The following PTK2 variants were observed in gnomAD, a reference collection of about 807,000 sequenced individuals.
PTK2 encodes focal adhesion kinase 1.
In PTK2, 45 loss-of-function variants were observed where a neutral mutation model predicts 150.1. That is an observed-to-expected ratio of 0.30 (90% CI 0.24 to 0.38). The LOEUF (loss-of-function observed/expected upper bound fraction) is 0.38. PTK2 is among the 10% of genes least tolerant of loss of function. The pLI is 1.00. For synonymous variants in PTK2, 432 were observed against 449.2 expected (o/e 0.96, Z 0.48); for missense variants, 919 against 1,307.3 (o/e 0.70, Z 4.58).
intron 8 of PTK2, among the ~76,000 whole-genome samples, chr8:140,828,972 C>A (rs984783655): frequency 5.9e-5 from 9 of 152,216 alleles, no homozygotes; most frequent in Admixed American, 5.9e-4. Flanking sequence ...TGCCAATGGT[C>A]TGTGGGCTAC....
chr8:140,911,512 T>C (rs1046513341), intron 2 of PTK2, among the ~76,000 whole-genome samples: 5 of 152,172 alleles, frequency 3.3e-5, no homozygotes, highest in African/African-American at 4.8e-5. Context: ...GGGAGACACA[T>C]TGATAGTCTG....
In PTK2 at chr8:140,999,375, C is replaced by T. The variant is rs56728131; in HGVS notation, c.-122+1750G>A. ...GACCTGAAATTCTTTAAAGGAAAACCTTGTAATATTGATCTTGTTGTTTCT... is the reference window on the plus strand; with the variant it reads ...GACCTGAAATTCTTTAAAGGAAAACTTTGTAATATTGATCTTGTTGTTTCT... On this transcript the variant is annotated intron_variant, in intron 1 of 31. Coordinates refer to ENST00000522684, the Ensembl canonical transcript of PTK2. 4.2e-3 allele frequency among the ~76,000 whole-genome samples: 634 copies of T among 152,272 alleles called. 9 individuals carry two copies. Among genetic ancestry groups the T allele is most frequent in the African/African-American group, 0.014 (594 of 41,562 alleles).
At chr8:140,850,051 T>G (rs1253765000) in intron 5 of PTK2, among the ~76,000 whole-genome samples, 1 of 152,156 alleles carries the variant, frequency 6.6e-6, no homozygotes, top group African/African-American at 2.4e-5. Flanking sequence ...TACTCTCTTT[T>G]TCTATTGTGG....
intron 8 of PTK2, chr8:140,821,357 C>T (rs1394671375): frequency 6.6e-6 from 1 of 152,178 alleles, no homozygotes; most frequent in African/African-American, 2.4e-5. Context: ...TGGCATGGAC[C>T]CCAAGGTAGT....
chr8:140,899,996 A>T (rs1246227491), intron 2 of PTK2, among the ~76,000 whole-genome samples: 1 of 152,190 alleles, frequency 6.6e-6, no homozygotes, highest in East Asian at 1.9e-4. Flanking sequence ...ACAAACTAAC[A>T]TCGAGCTGAG....
intron 22 of PTK2, among the ~76,000 whole-genome samples, chr8:140,719,759 T>C (rs901605444): frequency 2.6e-5 from 4 of 151,642 alleles, no homozygotes; most frequent in African/African-American, 9.7e-5. Context: ...CAAGTTGGCT[T>C]ATGCCTGTAA....
At chr8:140,674,025 A>G in intron 29 of PTK2, 1 of 566,654 alleles carries the variant, frequency 1.8e-6, no homozygotes, top group South Asian at 1.5e-5. Context: ...GATCAGAGGA[A>G]GATGTATGTA....
intron 4 of PTK2, among the ~76,000 whole-genome samples, chr8:140,865,612 T>A (rs957546974): frequency 6.6e-6 from 1 of 152,232 alleles, no homozygotes; most frequent in East Asian, 1.9e-4. Flanking sequence ...TAAATGTCCA[T>A]CTTATTAAAA....
chr8:140,884,888 T>C (rs2100151717), intron 3 of PTK2, among the ~76,000 whole-genome samples: 1 of 152,222 alleles, frequency 6.6e-6, no homozygotes, highest in Non-Finnish European at 1.5e-5. Context: ...CTGATTTTTT[T>C]CCATTTACTA....
chr8:140,961,572 G>C (rs2100183194), intron 1 of PTK2, among the ~76,000 whole-genome samples: 1 of 151,958 alleles, frequency 6.6e-6, no homozygotes, highest in Non-Finnish European at 1.5e-5. Context: ...TGAGGCAGGA[G>C]AATGGCGTGA....
At chr8:140,955,940 G>C (rs2100181047) in intron 1 of PTK2, among the ~76,000 whole-genome samples, 1 of 152,216 alleles carries the variant, frequency 6.6e-6, no homozygotes, top group African/African-American at 2.4e-5. Context: ...AACCATGACA[G>C]AAGACTGGGG....
At chr8:140,672,267 G>T in intron 29 of PTK2, 1 of 355,754 alleles carries the variant, frequency 2.8e-6, no homozygotes, top group Admixed American at 3.5e-5. Context: ...GGGCTGAAGT[G>T]ATCCTCCTTC....
intron 1 of PTK2, among the ~76,000 whole-genome samples, chr8:140,979,491 C>T (rs139552448): frequency 1.3e-5 from 2 of 150,458 alleles, no homozygotes; most frequent in African/African-American, 2.4e-5. Flanking sequence ...AACATCATTA[C>T]TAATAAGGGA....
chr8:140,689,676 G>A (rs1193924720), intron 26 of PTK2, among the ~76,000 whole-genome samples: 1 of 152,160 alleles, frequency 6.6e-6, no homozygotes, highest in Non-Finnish European at 1.5e-5. Context: ...ACTTCCAAAT[G>A]GTTCAGAAAA....
intron 23 of PTK2, among the ~76,000 whole-genome samples, chr8:140,706,685 A>C (rs2100034000): frequency 1.3e-5 from 2 of 152,168 alleles, no homozygotes; most frequent in African/African-American, 4.8e-5. Flanking sequence ...TTAAAAATTA[A>C]ATAAAGAATT....
chr8:140,764,331 T>C, intron 14 of PTK2, 41 bp from the exon 17 acceptor site: 1 of 1,421,904 alleles, frequency 7.0e-7, no homozygotes, highest in Non-Finnish European at 9.9e-7. Context: ...AGGTTAAACA[T>C]CTGACCTCCT....
intron 2 of PTK2, among the ~76,000 whole-genome samples, chr8:140,918,415 T>C (rs2100166153): frequency 6.6e-6 from 1 of 152,240 alleles, no homozygotes. Flanking sequence ...CTGCATTTGA[T>C]AGTCTTGCAA....
chr8:140,843,318 T>C (rs555394499), intron 7 of PTK2, among the ~76,000 whole-genome samples: 5 of 152,158 alleles, frequency 3.3e-5, no homozygotes, highest in Non-Finnish European at 7.4e-5. Flanking sequence ...TTCATGGAAA[T>C]TTCTTTCAAG....
chr8:140,915,026 T>A (rs1366233645), intron 2 of PTK2, among the ~76,000 whole-genome samples: 2 of 47,236 alleles, frequency 4.2e-5, no homozygotes. Context: ...AGAACGAAAC[T>A]CCAACTCAAA....
Sources: allele counts gnomAD v4.1 joint callset (sites outside exome capture counted in the v4.1 genomes callset), GRCh38; gene constraint gnomAD v4.1.1; transcripts MANE v1.5; gene names NCBI Gene and HGNC (gene_info 2026-07-23, HGNC 2026-07-21).